ZFYVE9: variants seen among roughly 807,000 people sequenced by gnomAD.
ZFYVE9 encodes the protein zinc finger FYVE-type containing 9.
ZFYVE9 carries 43 observed loss-of-function variants against 126.7 expected under a neutral mutation model. The observed-to-expected ratio is 0.34, with a 90% CI of 0.27 to 0.44. The LOEUF (loss-of-function observed/expected upper bound fraction) is 0.44. Ranked by LOEUF, ZFYVE9 falls within the 20% of genes least tolerant of loss-of-function variation. ZFYVE9 has a pLI of 1.00. For synonymous variants in ZFYVE9, 521 were observed against 597.4 expected, an observed-to-expected ratio of 0.87 and a Z score of 1.87; for missense variants, 1,476 against 1,697.0, an observed-to-expected ratio of 0.87 and a Z score of 2.29.
chr1:52,345,766 AG>A (rs1646477514), intron 18 of ZFYVE9: 1 of 241,378 alleles, frequency 4.1e-6, no homozygotes, highest in Non-Finnish European at 7.9e-6. Flanking sequence ...CCAAAGATTA[AG>A]GTATTATTTC....
At chr1:52,263,938 C>CT (rs924937985) in intron 5 of ZFYVE9, 66 bp downstream of exon 5, 4 of 1,050,580 alleles carry the variant, frequency 3.8e-6, no homozygotes, top group Non-Finnish European at 5.5e-6. Context: ...GATGAGAAGA[C>CT]TTTTTTCCCC....
At chr1:52,233,705 A>G (rs1226835177) in intron 3 of ZFYVE9, among the ~76,000 whole-genome samples, 3 of 152,196 alleles carry the variant, frequency 2.0e-5, no homozygotes, top group Admixed American at 2.0e-4. Context: ...ATTTAAAACT[A>G]TTTACATCAC....
At chr1:52,240,304 AG>A (rs1417193978) in intron 4 of ZFYVE9, among the ~76,000 whole-genome samples, 1 of 152,240 alleles carries the variant, frequency 6.6e-6, no homozygotes, top group Non-Finnish European at 1.5e-5. Context: ...ATATGGTGTC[AG>A]GTCTAGAATA....
chr1:52,230,281 CCA>C (rs1488967398), intron 2 of ZFYVE9, among the ~76,000 whole-genome samples: 10 of 152,106 alleles, frequency 6.6e-5, no homozygotes, highest in Admixed American at 6.5e-4. Flanking sequence ...TCCCATGTTA[CCA>C]CACAGGAACA....
intron 13 of ZFYVE9, among the ~76,000 whole-genome samples, chr1:52,321,193 T>C (rs1208567843): frequency 6.6e-6 from 1 of 152,214 alleles, no homozygotes; most frequent in African/African-American, 2.4e-5. Context: ...TTTATTTTAA[T>C]TTGAAACTAC....
chr1:52,171,157 C>A (rs1644564743), intron 1 of ZFYVE9, among the ~76,000 whole-genome samples: 1 of 152,044 alleles, frequency 6.6e-6, no homozygotes, highest in Admixed American at 6.6e-5. Flanking sequence ...CCCGCTCCCC[C>A]CACCCCACAA....
intron 13 of ZFYVE9, among the ~76,000 whole-genome samples, chr1:52,309,980 T>C (rs150551681): frequency 1.3e-5 from 2 of 152,300 alleles, no homozygotes; most frequent in African/African-American, 4.8e-5. Flanking sequence ...ATGTATTTTT[T>C]TGAGACAGAG....
At chr1:52,190,791 A>G (rs913317492) in intron 1 of ZFYVE9, among the ~76,000 whole-genome samples, 11 of 152,208 alleles carry the variant, frequency 7.2e-5, no homozygotes, top group Non-Finnish European at 2.9e-5. Flanking sequence ...AGGGTAGAAG[A>G]TAGTAATATT....
chr1:52,173,634 G>T (rs1327841097), intron 1 of ZFYVE9, among the ~76,000 whole-genome samples: 3 of 151,998 alleles, frequency 2.0e-5, no homozygotes, highest in African/African-American at 7.3e-5. Flanking sequence ...TCTGGTCCTG[G>T]ACTCTTTTTG....
In ZFYVE9 at chr1:52,337,707, G is replaced by A. The variant is rs559366188; in HGVS notation, c.3671-65G>A. On this transcript the variant is annotated intron_variant, in intron 15 of 18. Coordinates refer to ENST00000287727, the MANE Select transcript of ZFYVE9 (RefSeq NM_004799.4). The stretch of plus-strand genomic sequence containing the variant: ...GCTAAGGTTTACATTTAACTCGGAG[G>A]AATTTGCTAGATGCCAGGTGCTGTG... 1.6e-4 allele frequency: 246 copies of A among 1,571,864 alleles called. 4 individuals are homozygous for A. In the South Asian group the frequency reaches 2.7e-3, roughly 17 times the overall value.
chr1:52,319,207 G>A (rs1275037143), intron 13 of ZFYVE9, among the ~76,000 whole-genome samples: 1 of 152,176 alleles, frequency 6.6e-6, no homozygotes, highest in Non-Finnish European at 1.5e-5. Context: ...AGAATTTAAA[G>A]ACCTAAGTAG....
chr1:52,335,946 C>G (rs1163584726), intron 15 of ZFYVE9, among the ~76,000 whole-genome samples: 3 of 152,014 alleles, frequency 2.0e-5, no homozygotes, highest in Non-Finnish European at 2.9e-5. Context: ...CCAGCCTGGC[C>G]GACATGGTGA....
intron 16 of ZFYVE9, 119 bp from the exon 17 acceptor site, chr1:52,340,007 T>C: frequency 1.3e-6 from 1 of 741,192 alleles, no homozygotes; most frequent in Non-Finnish European, 2.4e-6. Flanking sequence ...GCTGCACAGG[T>C]GTGTTCAGCA....
intron 4 of ZFYVE9, among the ~76,000 whole-genome samples, chr1:52,246,267 T>G (rs1645382802): frequency 6.6e-6 from 1 of 152,176 alleles, no homozygotes; most frequent in South Asian, 2.1e-4. Context: ...CCTTAAATAC[T>G]ATTTCAAAAA....
intron 8 of ZFYVE9, 112 bp from the exon 9 acceptor site, chr1:52,278,380 A>G: frequency 1.4e-6 from 2 of 1,395,652 alleles, no homozygotes; most frequent in South Asian, 2.4e-5. Context: ...GCACCTATTG[A>G]TAAATCAAAT....
intron 1 of ZFYVE9, among the ~76,000 whole-genome samples, chr1:52,144,255 G>A (rs990520073): frequency 3.3e-5 from 5 of 152,160 alleles, no homozygotes; most frequent in East Asian, 3.9e-4. Context: ...GGAGGCAGAC[G>A]TTGCAGTGAG....
intron 16 of ZFYVE9, among the ~76,000 whole-genome samples, chr1:52,339,663 TA>T (rs1646417750): frequency 3.9e-5 from 6 of 152,182 alleles, no homozygotes; most frequent in Non-Finnish European, 7.3e-5. Flanking sequence ...TATAAGCACA[TA>T]GAGGGGAATA....
Position 52,147,377 on chromosome 1 carries a change from G to T in ZFYVE9, c.-143+4974G>T, listed in dbSNP as rs1255749755. ...TTTTAATCACTCCAAAGAGAAACTTGTACCCATTAACAGTCACTCCCAGGA... is the reference window on the plus strand; with the variant it reads ...TTTTAATCACTCCAAAGAGAAACTTTTACCCATTAACAGTCACTCCCAGGA... On this transcript the variant is annotated intron_variant, in intron 1 of 18. Transcript: ENST00000287727. Among the ~76,000 whole-genome samples the T allele has an allele frequency of 2.0e-5, 3 of 152,082 alleles. No homozygotes were observed. In the East Asian group the frequency reaches 5.8e-4, roughly 29 times the overall value.
chr1:52,248,109 A>G (rs982637161), intron 4 of ZFYVE9, among the ~76,000 whole-genome samples: 5 of 152,164 alleles, frequency 3.3e-5, no homozygotes, highest in Admixed American at 6.5e-5. Flanking sequence ...GAATTCCCAC[A>G]ATAATCTATT....
Sources: allele counts gnomAD v4.1 joint callset (sites outside exome capture counted in the v4.1 genomes callset), GRCh38; gene constraint gnomAD v4.1.1; transcripts MANE v1.5; gene names NCBI Gene and HGNC (gene_info 2026-07-23, HGNC 2026-07-21).